Variants in NPC2 observed in about 807,000 individuals in gnomAD.
NPC2 encodes NPC intracellular cholesterol transporter 2.
NPC2 carries 14 observed loss-of-function variants against 17.0 expected under a neutral mutation model. The ratio of observed to expected loss-of-function variants is 0.82; its 90% CI spans 0.54 to 1.29. The LOEUF (loss-of-function observed/expected upper bound fraction) is 1.29, where lower values mean the gene tolerates loss of function less well. Among genes scored for constraint, NPC2 ranks in the 50% most tolerant of loss-of-function variants. The pLI is 0.00. For missense variants in NPC2, 167 were observed against 183.4 expected (o/e 0.91, Z 0.52); for synonymous variants, 75 against 69.3 (o/e 1.08, Z -0.41).
chr14:74,486,840 A>T (rs1226428850), intron 1 of NPC2, among the ~76,000 whole-genome samples: 1 of 152,244 alleles, frequency 6.6e-6, no homozygotes, highest in Non-Finnish European at 1.5e-5. Flanking sequence ...TTAAACCTTG[A>T]AGACGTTTGC....
intron 3 of NPC2, among the ~76,000 whole-genome samples, chr14:74,482,172 T>C (rs2086662409): frequency 6.6e-6 from 1 of 152,250 alleles, no homozygotes; most frequent in Non-Finnish European, 1.5e-5. Flanking sequence ...ATTCATCTAC[T>C]AATCTGTCCC....
At chr14:74,486,595 A>G (rs1454572093) in intron 1 of NPC2, among the ~76,000 whole-genome samples, 159 bp from the exon 2 acceptor site, 6 of 152,210 alleles carry the variant, frequency 3.9e-5, no homozygotes, top group African/African-American at 9.6e-5. Context: ...ATAATGCCCA[A>G]TTAGAAGTCA....
upstream of NPC2, chr14:74,493,352 C>G: frequency 6.4e-7 from 1 of 1,564,600 alleles, no homozygotes. The surrounding 1 kb of genome is among the most constrained non-coding windows in gnomAD (Gnocchi z 4.1). Context: ...CGGGGCGGGC[C>G]CGGGGAGGAG....
intron 1 of NPC2, among the ~76,000 whole-genome samples, chr14:74,489,123 G>C (rs1180512294): frequency 1.3e-5 from 2 of 152,188 alleles, no homozygotes; most frequent in Non-Finnish European, 2.9e-5. Context: ...ACAAGCTTAG[G>C]GCACAAGTTA....
At position 74,482,882 on chromosome 14, in the gene NPC2, T is replaced by TGGGAGGA. The variant is rs545435433; in HGVS notation, c.363+1526_363+1532dup. 3.1e-3 allele frequency: 1,313 copies of TGGGAGGA among 422,630 alleles called. 9 individuals are homozygous for TGGGAGGA. Among genetic ancestry groups the TGGGAGGA allele is most frequent in the South Asian group, 0.017 (716 of 43,250 alleles). 26.2% of individuals were successfully genotyped at this position (422,630 alleles called of 1,614,324 possible). A position where few individuals can be genotyped will look rare whatever the true frequency, so the allele number is the denominator to read the frequency against. ...GCAGAGCCGAAGCAGGAGCCGCAGC[T>TGGGAGGA]GGGAGGAGGGAGGAGGGAGGAGGGA... On this transcript the variant is annotated intron_variant, in intron 3 of 4. Transcript: ENST00000555619.
intron 3 of NPC2, chr14:74,482,976 G>A (rs931077017): frequency 8.5e-6 from 6 of 702,244 alleles, no homozygotes; most frequent in East Asian, 2.9e-5. Context: ...ACCACATCAC[G>A]GGTGAGCTAG....
chr14:74,484,755 CAAAAAAAAAAAA>C (rs71115996), intron 2 of NPC2, among the ~76,000 whole-genome samples, 168 bp from the exon 3 acceptor site: 6 of 85,232 alleles, frequency 7.0e-5, no homozygotes, highest in African/African-American at 2.4e-4. Context: ...CACAATTATG[CAAAAAAAAAAAA>C]AAAAAAAAAA....
chr14:74,480,636 T>A lies in NPC2; in HGVS notation c.441+66A>T, dbSNP rs764499578. ...TTTTATCTTATGGCACTGATTTAGT[T>A]TCAGTCTGATTTCTCCTCCACTTTC... On this transcript the variant is annotated intron_variant, in intron 4 of 4. Transcript: ENST00000555619. 7.7e-6 allele frequency: 10 copies of A among 1,292,622 alleles called. No individual in the cohort carries two copies. Among genetic ancestry groups the A allele is most frequent in the Admixed American group, 1.7e-5 (1 of 59,636 alleles). The allele number at this position is 1,292,622 out of a possible 1,614,324, so 80.1% of individuals were successfully genotyped here.
chr14:74,491,025 C>T (rs904627719), intron 1 of NPC2, among the ~76,000 whole-genome samples: 1 of 152,158 alleles, frequency 6.6e-6, no homozygotes, highest in Non-Finnish European at 1.5e-5. Flanking sequence ...CTATGTGCTT[C>T]GCTTTCCTCA....
rs185533644 is a variant in NPC2 at position 74,480,037 on chromosome 14, C to T, written c.*237G>A. On this transcript the variant is annotated 3_prime_UTR_variant, in exon 5 of 5. Coordinates refer to ENST00000555619, the MANE Select transcript of NPC2 (RefSeq NM_006432.5). The stretch of plus-strand genomic sequence containing the variant: ...TAATGTTGTTAAAAAAAAAATTAAA[C>T]ATCTGCTAACCAAGTGCTGCATTTA... 344 of 1,476,594 alleles carry T rather than the reference C, an allele frequency of 2.3e-4. No homozygotes were observed. The highest frequency in any genetic ancestry group is 8.8e-4 in the Middle Eastern group (5 of 5,680). 91.5% of individuals were successfully genotyped at this position (1,476,594 alleles called of 1,614,324 possible). A position where few individuals can be genotyped will look rare whatever the true frequency, so the allele number is the denominator to read the frequency against.
intron 1 of NPC2, 50 bp from the exon 2 acceptor site, chr14:74,486,486 C>T: frequency 1.4e-6 from 2 of 1,470,460 alleles, no homozygotes; most frequent in Non-Finnish European, 1.9e-6. Flanking sequence ...AGAAATAAGC[C>T]AGCTAGGCTG....
At position 74,490,087 on chromosome 14, in the gene NPC2, C is replaced by T. The variant is rs146850134; in HGVS notation, c.82+3106G>A. Reference sequence around the variant, plus strand: ...TTGTGGATAGAAATTATGTTTCTAGCCAATAGGATGGACTCTTTCTGTCTC... The same window carrying T: ...TTGTGGATAGAAATTATGTTTCTAGTCAATAGGATGGACTCTTTCTGTCTC... On this transcript the variant is annotated intron_variant, in intron 1 of 4. Transcript: ENST00000555619. Among the ~76,000 whole-genome samples, 5 of 152,278 alleles carry T rather than the reference C, an allele frequency of 3.3e-5. No individual in the cohort carries two copies. The South Asian group carries it at 1.0e-3, about 32-fold the overall frequency.
chr14:74,485,175 A>G (rs1042125029), intron 2 of NPC2, among the ~76,000 whole-genome samples: 1 of 151,874 alleles, frequency 6.6e-6, no homozygotes, highest in African/African-American at 2.4e-5. Flanking sequence ...CATGCCTGTC[A>G]TCTCAGCTAC....
At position 74,486,344 on chromosome 14, in the gene NPC2, C is replaced by T; in HGVS notation, c.175G>A (p.Val59Ile). 1.3e-6 allele frequency: 2 copies of T among 1,599,182 alleles called. No individual in the cohort carries two copies. ...TTTTACGCACTGCTGGTGAAGGTGA[C>T]ATTGACGCTGTAAGACTGTCCTTTG... ...LSKGQSYSVNVTFTSNIQSKS... is the reference protein window; with the variant it reads ...LSKGQSYSVNITFTSNIQSKS... The change falls in exon 2 of 5, where the codon GTC becomes ATC. Residue 59 changes from valine to isoleucine, a missense_variant. Val to Ile is a conservative substitution (Grantham distance 29). Coordinates refer to ENST00000555619, the MANE Select transcript of NPC2 (RefSeq NM_006432.5).
chr14:74,492,081 A>G (rs1403886472), intron 1 of NPC2, among the ~76,000 whole-genome samples: 3 of 151,232 alleles, frequency 2.0e-5, no homozygotes, highest in African/African-American at 7.4e-5. Flanking sequence ...GGTCAGCAAG[A>G]AGAACTCACT....
intron 1 of NPC2, among the ~76,000 whole-genome samples, chr14:74,492,804 A>C (rs1172948563): frequency 6.6e-6 from 1 of 152,252 alleles, no homozygotes; most frequent in African/African-American, 2.4e-5. Context: ...AAGAAAAGCA[A>C]AAGGAGTTGG....
chr14:74,492,654 T>C (rs984885866), intron 1 of NPC2, among the ~76,000 whole-genome samples: 6 of 152,172 alleles, frequency 3.9e-5, no homozygotes, highest in Non-Finnish European at 8.8e-5. Context: ...CAAGCTGTGA[T>C]TAGAGACACA....
intron 2 of NPC2, among the ~76,000 whole-genome samples, chr14:74,485,294 C>CAAAA (rs61395005): frequency 0.016 from 1,130 of 71,316 alleles, 151 homozygotes; most frequent in African/African-American, 0.037. Flanking sequence ...GACTCTGTCA[C>CAAAA]AAAAAAAAAA....
In NPC2 at chr14:74,484,507, C is replaced by A; in HGVS notation, c.271G>T (p.Asp91Tyr). 6.2e-7 allele frequency: 1 copy of A among 1,614,138 alleles called. No individual in the cohort carries two copies. Among genetic ancestry groups the A allele is most frequent in the Non-Finnish European group, 8.5e-7 (1 of 1,180,020 alleles). ...CAGTTAATTCCACTCTTACAACCATCAGGCTCAGGAATGGGAAAGGGAACT... is the reference window on the plus strand; with the variant it reads ...CAGTTAATTCCACTCTTACAACCATAAGGCTCAGGAATGGGAAAGGGAACT... ...VPVPFPIPEP[D>Y]GCKSGINCPI... is the part of the protein sequence containing the mutation. Residue 91 changes from aspartate (D) to tyrosine (Y), a missense_variant, in exon 3 of 5, where the codon GAT becomes TAT. Physicochemically the swap from Asp to Tyr is radical, Grantham distance 160. Coordinates refer to ENST00000555619, the MANE Select transcript of NPC2 (RefSeq NM_006432.5).
Sources: allele counts gnomAD v4.1 joint callset (sites outside exome capture counted in the v4.1 genomes callset), GRCh38; gene constraint gnomAD v4.1.1; non-coding constraint Gnocchi (gnomAD v3.1); transcripts MANE v1.5; gene names NCBI Gene and HGNC (gene_info 2026-07-23, HGNC 2026-07-21).